The following RAF1 variants were observed in gnomAD, a reference collection of about 807,000 sequenced individuals.
RAF1 encodes RAF proto-oncogene serine/threonine-protein kinase.
A neutral mutation model predicts 81.1 loss-of-function variants in RAF1; 27 were observed. The ratio of observed to expected loss-of-function variants is 0.33; its 90% CI spans 0.25 to 0.46. RAF1 has a LOEUF of 0.46. Among genes scored for constraint, RAF1 ranks in the 20% least tolerant of loss-of-function variants. The probability of loss-of-function intolerance (pLI) is 1.00; values close to 1 mark genes in which losing one functional copy is unlikely to be tolerated. For missense variants in RAF1, 598 were observed against 826.0 expected (o/e 0.72, Z 3.38); for synonymous variants, 298 against 294.0 (o/e 1.01, Z -0.14).
chr3:12,605,370 C>T (rs2058994363), intron 6 of RAF1, among the ~76,000 whole-genome samples: 1 of 151,628 alleles, frequency 6.6e-6, no homozygotes, highest in African/African-American at 2.4e-5. Context: ...TCACTGCCTA[C>T]CACGTTCAAG....
At chr3:12,595,425 GATA>G (rs1337059414) in intron 11 of RAF1, among the ~76,000 whole-genome samples, 4 of 152,134 alleles carry the variant, frequency 2.6e-5, no homozygotes, top group African/African-American at 7.2e-5. Flanking sequence ...CTCTCAGACA[GATA>G]ATGAGCTCTC....
intron 1 of RAF1, among the ~76,000 whole-genome samples, chr3:12,645,320 T>G (rs1249996117): frequency 6.6e-6 from 1 of 152,094 alleles, no homozygotes; most frequent in Non-Finnish European, 1.5e-5. Context: ...ATCTTTCCAT[T>G]ATCTCACAGA....
rs1330851365 is a variant in RAF1 at position 12,591,795 on chromosome 3, G to A, written c.1169-3C>T. 6.2e-7 allele frequency: 1 copy of A among 1,612,304 alleles called. No homozygotes were observed. ...TAGGATCTTTACTGCAACATCTCCT[G>A]CAAAATTAGTTGGCAGTCAGTGCAA... On this transcript the variant is annotated splice_region_variant and splice_polypyrimidine_tract_variant and intron_variant, in intron 11 of 17. Transcript: ENST00000442415.
rs1035608851 is a variant in RAF1, at chr3:12,663,903, C to T, written c.-117G>A. On this transcript the variant is annotated 5_prime_UTR_variant, in exon 1 of 18. Transcript: ENST00000442415. ...CCGCGGCGGGTGAGGGAGCGGGAGG[C>T]GGTCACATTCGGCGCGTCCCCAGCC... is the stretch of plus-strand genomic sequence containing the variant. 3.5e-5 allele frequency: 14 copies of T among 398,070 alleles called. No individual in the cohort carries two copies. Among genetic ancestry groups the T allele is most frequent in the African/African-American group, 2.9e-4 (14 of 48,606 alleles). The allele number at this position is 398,070 out of a possible 1,614,324, so 24.7% of individuals were successfully genotyped here. A position where few individuals can be genotyped will look rare whatever the true frequency, so the allele number is the denominator to read the frequency against.
chr3:12,635,452 C>G (rs1331952188), intron 1 of RAF1, among the ~76,000 whole-genome samples: 13 of 148,300 alleles, frequency 8.8e-5, no homozygotes, highest in African/African-American at 2.7e-4. Flanking sequence ...GCCTAGCCAA[C>G]ATGGTGAAAC....
chr3:12,647,295 CAAA>C (rs35322564), intron 1 of RAF1, among the ~76,000 whole-genome samples: 11 of 140,756 alleles, frequency 7.8e-5, no homozygotes, highest in Admixed American at 7.0e-5. Flanking sequence ...GACTCCATCT[CAAA>C]AAAAAAAAAA....
At chr3:12,595,521 T>C (rs976449920) in intron 11 of RAF1, among the ~76,000 whole-genome samples, 6 of 152,154 alleles carry the variant, frequency 3.9e-5, no homozygotes, top group African/African-American at 4.8e-5. Flanking sequence ...ACCCAAATGA[T>C]AGTCTTTACA....
chr3:12,634,617 T>C (rs889743128), intron 1 of RAF1, among the ~76,000 whole-genome samples: 1 of 152,088 alleles, frequency 6.6e-6, no homozygotes, highest in African/African-American at 2.4e-5. Flanking sequence ...GAATCCACAA[T>C]TATGTGACCC....
rs2059455598 is a variant in RAF1 at position 12,618,749 on chromosome 3, TG to T, written c.-26-3del. The T allele has an allele frequency of 6.2e-7, 1 of 1,604,906 alleles. No homozygotes were observed. The highest frequency in any genetic ancestry group is 8.5e-7 in the Non-Finnish European group (1 of 1,172,198). Reference sequence around the variant, plus strand: ...ATGCAGCTTAAACAATTCTTAAACCTGGTAAGAAACACAAATAATTGTAACT... The same window carrying T: ...ATGCAGCTTAAACAATTCTTAAACCTGTAAGAAACACAAATAATTGTAACT... On this transcript the variant is annotated splice_region_variant and splice_polypyrimidine_tract_variant and intron_variant, in intron 1 of 17. Coordinates refer to ENST00000442415, the MANE Select transcript of RAF1 (RefSeq NM_001354689.3).
chr3:12,627,976 C>T (rs561595356), intron 1 of RAF1, among the ~76,000 whole-genome samples: 1 of 152,252 alleles, frequency 6.6e-6, no homozygotes, highest in Admixed American at 6.5e-5. Context: ...AAAAATTAGC[C>T]GGGTGTGATG....
At chr3:12,613,423 C>G (rs2059278350) in intron 2 of RAF1, among the ~76,000 whole-genome samples, 1 of 150,620 alleles carries the variant, frequency 6.6e-6, no homozygotes, top group South Asian at 2.1e-4. Context: ...CCCGCCATCC[C>G]CCCCCACACC....
Position 12,587,325 on chromosome 3 carries a change from G to T in RAF1, c.1477+266C>A, listed in dbSNP as rs531323848. Reference sequence around the variant, plus strand: ...AAAATTATGCCTATTTCAAGCTTACGGAAATCTCTCCAAATCACTTTTGCT... The same window carrying T: ...AAAATTATGCCTATTTCAAGCTTACTGAAATCTCTCCAAATCACTTTTGCT... On this transcript the variant is annotated intron_variant, in intron 14 of 17. Transcript: ENST00000442415. 2.7e-5 allele frequency: 14 copies of T among 511,814 alleles called. No individual in the cohort carries two copies. The East Asian group carries it at 3.7e-4, about 14-fold the overall frequency. The allele number at this position is 511,814 out of a possible 1,614,324, so 31.7% of individuals were successfully genotyped here.
At chr3:12,657,866 AC>A (rs1160315905) in intron 1 of RAF1, among the ~76,000 whole-genome samples, 3 of 69,670 alleles carry the variant, frequency 4.3e-5, no homozygotes, top group South Asian at 8.1e-4. Flanking sequence ...CAAAAAAAAA[AC>A]AAAACAAAAC....
At chr3:12,625,176 T>C (rs1030967635) in intron 1 of RAF1, among the ~76,000 whole-genome samples, 1 of 152,064 alleles carries the variant, frequency 6.6e-6, no homozygotes, top group Non-Finnish European at 1.5e-5. Flanking sequence ...CTCCACCTTC[T>C]GGGTTCAAGT....
At chr3:12,615,210 G>T (rs2059337519) in intron 2 of RAF1, among the ~76,000 whole-genome samples, 1 of 152,172 alleles carries the variant, frequency 6.6e-6, no homozygotes, top group African/African-American at 2.4e-5. Context: ...CTCGGCTCCA[G>T]TCAATCACTT....
intron 1 of RAF1, among the ~76,000 whole-genome samples, chr3:12,655,648 A>T (rs1013549118): frequency 6.6e-6 from 1 of 152,222 alleles, no homozygotes; most frequent in Non-Finnish European, 1.5e-5. Flanking sequence ...CATTATTTAC[A>T]ACAACCAAAA....
chr3:12,660,119 CAT>C lies in RAF1; in HGVS notation c.-27+3692_-27+3693del, dbSNP rs555410944. The stretch of plus-strand genomic sequence containing the variant: ...CTTAATCTTCAGAGCAAACAAATGA[CAT>C]GTTATAAACTAAAAGCTACTAGTCT... On this transcript the variant is annotated intron_variant, in intron 1 of 17. Transcript: ENST00000442415. 1.2e-3 allele frequency among the ~76,000 whole-genome samples: 181 copies of C among 152,004 alleles called. 1 individual carries two copies. The highest frequency in any genetic ancestry group is 4.2e-3 in the African/African-American group (173 of 41,490).
intron 13 of RAF1, among the ~76,000 whole-genome samples, 175 bp from the exon 13 acceptor site, chr3:12,587,812 G>GGC (rs531061961): frequency 1.3e-4 from 19 of 145,550 alleles, no homozygotes; most frequent in Non-Finnish European, 2.4e-4. Context: ...CTGAAGGTGA[G>GGC]GCCACAGCAC....
chr3:12,606,423 C>T, intron 5 of RAF1, 124 bp from the exon 6 acceptor site: 1 of 721,480 alleles, frequency 1.4e-6, no homozygotes, highest in South Asian at 1.5e-5. Flanking sequence ...ACATTTTCCT[C>T]AACTGTTTTA....
Sources: gnomAD v4.1 joint callset for allele counts (sites outside exome capture counted in the v4.1 genomes callset) on GRCh38, gnomAD v4.1.1 for gene constraint, MANE v1.5 for transcripts, NCBI Gene and HGNC (gene_info 2026-07-23, HGNC 2026-07-21) for gene names.